UGT2B7: variants seen among roughly 807,000 people sequenced by gnomAD.
The protein encoded by UGT2B7 is UDP glucuronosyltransferase family 2 member B7.
UGT2B7 carries 51 observed loss-of-function variants against 51.9 expected under a neutral mutation model. The ratio of observed to expected loss-of-function variants is 0.98; its 90% CI spans 0.78 to 1.24. The LOEUF is 1.24. Ranked by LOEUF, UGT2B7 falls within the 50% of genes most tolerant of loss-of-function variation. The pLI is 0.00. For missense variants in UGT2B7, 727 were observed against 628.4 expected (o/e 1.16, Z -1.68); for synonymous variants, 225 against 211.6 (o/e 1.06, Z -0.55).
chr4:69,054,784 A>T (rs369987327), intron 1 of UGT2B7, among the ~76,000 whole-genome samples: 2 of 151,982 alleles, frequency 1.3e-5, no homozygotes, highest in East Asian at 3.9e-4. Flanking sequence ...GCATGAGGAA[A>T]CTCATCGCAG....
chr4:69,098,915 G>C (rs1198468551), intron 2 of UGT2B7, among the ~76,000 whole-genome samples: 1 of 151,842 alleles, frequency 6.6e-6, no homozygotes, highest in Admixed American at 6.6e-5. Flanking sequence ...TTTGAAAATA[G>C]GGTTGGTTAA....
chr4:69,087,499 A>C (rs769442383), intron 1 of UGT2B7, among the ~76,000 whole-genome samples: 2 of 151,826 alleles, frequency 1.3e-5, no homozygotes, highest in Non-Finnish European at 2.9e-5. Context: ...GAGTATTCTG[A>C]GTTTGTCTTT....
upstream of UGT2B7, among the ~76,000 whole-genome samples, chr4:69,094,285 G>A (rs1319337578): frequency 2.4e-5 from 2 of 84,532 alleles, 1 homozygote; most frequent in Non-Finnish European, 4.1e-5. Flanking sequence ...GACTACAGGC[G>A]CCCGCTACCA....
chr4:69,053,097 A>G, intron 1 of UGT2B7, among the ~76,000 whole-genome samples: 1 of 152,152 alleles, frequency 6.6e-6, no homozygotes. Flanking sequence ...CAAAAATTAT[A>G]AAAGGTTAAA....
At chr4:69,077,958 T>A (rs563998261) in intron 1 of UGT2B7, among the ~76,000 whole-genome samples, 2 of 152,218 alleles carry the variant, frequency 1.3e-5, no homozygotes, top group Non-Finnish European at 2.9e-5. Context: ...GTTCCATCAA[T>A]ACCTAGCTTA....
In UGT2B7 at chr4:69,069,313, G is replaced by T. The variant is rs183619692; in HGVS notation, c.-159+17711G>T. Among the ~76,000 whole-genome samples the T allele has an allele frequency of 1.9e-3, 286 of 152,006 alleles. 1 individual carries two copies. Among genetic ancestry groups the T allele is most frequent in the Non-Finnish European group, 2.2e-3 (150 of 67,934 alleles). On this transcript the variant is annotated intron_variant, in intron 1 of 5. Transcript: ENST00000502942. ...TTTGATATTATTTTGAAACTTGTAT[G>T]CCAGGTCCATTAAATTTTTTTTTCC...
chr4:69,073,677 A>G (rs1279747101), intron 1 of UGT2B7, among the ~76,000 whole-genome samples: 1 of 152,212 alleles, frequency 6.6e-6, no homozygotes, highest in Non-Finnish European at 1.5e-5. Flanking sequence ...TGAATAGGTC[A>G]TAAATGCTTG....
chr4:69,053,614 C>T (rs1486607703), intron 1 of UGT2B7, among the ~76,000 whole-genome samples: 1 of 152,200 alleles, frequency 6.6e-6, no homozygotes, highest in African/African-American at 2.4e-5. Flanking sequence ...CTGCTATATC[C>T]TGAAGTCCCT....
At chr4:69,085,992 A>T (rs567684756) in intron 1 of UGT2B7, among the ~76,000 whole-genome samples, 6 of 151,746 alleles carry the variant, frequency 4.0e-5, no homozygotes, top group Non-Finnish European at 8.8e-5. Flanking sequence ...TAAATATTTT[A>T]AAAATCTCTA....
chr4:69,103,171 A>G (rs1719481663), intron 3 of UGT2B7, among the ~76,000 whole-genome samples: 1 of 152,112 alleles, frequency 6.6e-6, no homozygotes. Context: ...AATAAATTGA[A>G]TGGAGAAAGG....
chr4:69,071,414 A>G (rs1011627383), intron 1 of UGT2B7, among the ~76,000 whole-genome samples: 5 of 152,168 alleles, frequency 3.3e-5, no homozygotes, highest in Non-Finnish European at 7.4e-5. Flanking sequence ...TTTAAAATCT[A>G]TGCTGGAGAA....
At position 69,098,498 on chromosome 4, in the gene UGT2B7, T is replaced by C. The variant is rs770316373; in HGVS notation, c.722-42T>C. ...CCTTTCAGAAATTTACCTAAAGTAA[T>C]TATCTTGTGTCATCCACCTTTTTTT... On this transcript the variant is annotated intron_variant, in intron 1 of 5. Transcript: ENST00000305231. 3.8e-6 allele frequency: 6 copies of C among 1,567,334 alleles called. No individual in the cohort carries two copies. The East Asian group carries it at 1.4e-4, about 35-fold the overall frequency.
At position 69,097,092 on chromosome 4, in the gene UGT2B7, C is replaced by T; in HGVS notation, c.572C>T (p.Pro191Leu). 2 of 1,613,720 alleles carry T rather than the reference C, an allele frequency of 1.2e-6. No homozygotes were observed. Among genetic ancestry groups the T allele is most frequent in the Non-Finnish European group, 1.7e-6 (2 of 1,179,734 alleles). Residue 191 changes from proline to leucine, a missense_variant, in exon 1 of 6, where the codon CCT becomes CTT. By Grantham distance (98) the Pro-to-Leu change is moderately conservative. Coordinates refer to ENST00000305231, the MANE Select transcript of UGT2B7 (RefSeq NM_001074.4). ...EKHSGGFIFP[P>L]SYVPVVMSEL... The stretch of plus-strand genomic sequence containing the variant: ...CATAGTGGAGGATTTATTTTCCCTC[C>T]TTCCTACGTACCTGTTGTTATGTCA...
At chr4:69,082,938 G>T (rs889557172) in intron 1 of UGT2B7, among the ~76,000 whole-genome samples, 1 of 152,036 alleles carries the variant, frequency 6.6e-6, no homozygotes, top group African/African-American at 2.4e-5. Flanking sequence ...TAATTCAGCT[G>T]GTGAGTTTAG....
chr4:69,069,892 T>C (rs1718564402), intron 1 of UGT2B7: 1 of 152,130 alleles, frequency 6.6e-6, no homozygotes, highest in South Asian at 2.1e-4. Context: ...AGAGTACATC[T>C]TTTTGAGATC....
intron 1 of UGT2B7, among the ~76,000 whole-genome samples, chr4:69,083,763 A>G (rs1718886712): frequency 6.6e-6 from 1 of 152,056 alleles, no homozygotes; most frequent in Non-Finnish European, 1.5e-5. Context: ...TTTGTTGATC[A>G]ATTTTAAGAG....
intron 1 of UGT2B7, among the ~76,000 whole-genome samples, chr4:69,078,841 T>C (rs1029680999): frequency 2.6e-5 from 4 of 152,104 alleles, no homozygotes; most frequent in Non-Finnish European, 5.9e-5. Context: ...GGTGTGTTAC[T>C]GGGGCAATAG....
intron 1 of UGT2B7, among the ~76,000 whole-genome samples, chr4:69,058,081 CAA>C (rs1057152365): frequency 1.3e-5 from 2 of 152,144 alleles, no homozygotes; most frequent in African/African-American, 4.8e-5. Context: ...GCTACAAAGA[CAA>C]AGTGAAAACA....
intron 1 of UGT2B7, among the ~76,000 whole-genome samples, chr4:69,080,913 T>G (rs1718823013): frequency 6.6e-6 from 1 of 152,122 alleles, no homozygotes; most frequent in Admixed American, 6.6e-5. Context: ...ATGAGTGGAT[T>G]AGGTAAGTGC....
Sources: gnomAD v4.1 joint callset for allele counts (sites outside exome capture counted in the v4.1 genomes callset) on GRCh38, gnomAD v4.1.1 for gene constraint, MANE v1.5 for transcripts, NCBI Gene and HGNC (gene_info 2026-07-23, HGNC 2026-07-21) for gene names.